TMEM52B: variants seen among roughly 807,000 people sequenced by gnomAD.
TMEM52B encodes transmembrane protein 52B, also known as chromosome 12 open reading frame 59.
TMEM52B carries 11 observed loss-of-function variants against 16.1 expected under a neutral mutation model. The ratio of observed to expected loss-of-function variants is 0.68; its 90% CI spans 0.43 to 1.13. TMEM52B has a LOEUF of 1.13. Ranked by LOEUF, TMEM52B falls within the 50% of genes most tolerant of loss-of-function variation. The pLI, the probability that TMEM52B is intolerant of heterozygous loss-of-function variation, is 0.00. For synonymous variants in TMEM52B, 101 were observed against 93.8 expected, an observed-to-expected ratio of 1.08 and a Z score of -0.45; for missense variants, 243 against 230.4, an observed-to-expected ratio of 1.05 and a Z score of -0.35.
chr12:10,172,173 T>C, intron 1 of TMEM52B: 1 of 779,906 alleles, frequency 1.3e-6, no homozygotes, highest in East Asian at 2.6e-5. Context: ...AAATAGCTAC[T>C]GTTATCTAAT....
chr12:10,172,491 A>C, intron 1 of TMEM52B: 1 of 163,236 alleles, frequency 6.1e-6, no homozygotes, highest in Middle Eastern at 3.1e-3. Context: ...TTTGTTTGCT[A>C]ATTTCATTAG....
intron 2 of TMEM52B, among the ~76,000 whole-genome samples, chr12:10,183,362 T>C (rs188901111): frequency 2.0e-4 from 31 of 152,138 alleles, no homozygotes; most frequent in Admixed American, 1.2e-3. Flanking sequence ...TCTTCCACCA[T>C]AGGAAGAGTC....
At chr12:10,171,545 T>C (rs561481474) in intron 1 of TMEM52B, among the ~76,000 whole-genome samples, 1 of 152,326 alleles carries the variant, frequency 6.6e-6, no homozygotes, top group South Asian at 2.1e-4. Context: ...ACAGAAATTA[T>C]CGTTATATAC....
chr12:10,187,516 T>A (rs71450025), intron 4 of TMEM52B, among the ~76,000 whole-genome samples: 27 of 152,280 alleles, frequency 1.8e-4, no homozygotes, highest in Non-Finnish European at 3.7e-4. Flanking sequence ...GAGATTCTCA[T>A]GCCTCAGCCT....
chr12:10,186,555 C>T lies in TMEM52B; in HGVS notation c.273C>T (p.Phe91=), dbSNP rs568855609. 25 of 1,607,658 alleles carry T rather than the reference C, an allele frequency of 1.6e-5. No homozygotes were observed. The East Asian group carries it at 2.2e-4, about 14-fold the overall frequency. Residue 91 remains phenylalanine, a synonymous_variant, in exon 4 of 5, where the codon TTC becomes TTT. Transcript: ENST00000543484. The stretch of plus-strand genomic sequence containing the variant: ...CCTGTGAAGTGACCGTCATTGCTTT[C>T]GATCACGACAGCACTCTCCAGAGCA... ...PPPCEVTVIA[F]DHDSTLQSTI... is the part of the protein sequence containing the mutation.
upstream of TMEM52B, among the ~76,000 whole-genome samples, chr12:10,178,643 A>AAG (rs141826102): frequency 0.63 from 94,320 of 149,836 alleles, 30,226 homozygotes; most frequent in Middle Eastern, 0.72. Flanking sequence ...TCCTTAACCA[A>AAG]AGAGAGAGAG....
At chr12:10,176,957 A>G (rs975799179), upstream of TMEM52B, among the ~76,000 whole-genome samples, 7 of 152,194 alleles carry the variant, frequency 4.6e-5, no homozygotes, top group African/African-American at 1.7e-4. Context: ...GGAAAGTTTC[A>G]TGATGGGTTC....
In TMEM52B at chr12:10,188,537, G is replaced by A. The variant is rs200873706; in HGVS notation, c.308-1359G>A. Among the ~76,000 whole-genome samples the A allele has an allele frequency of 8.0e-3, 392 of 49,142 alleles. 4 individuals are homozygous for A. Among genetic ancestry groups the A allele is most frequent in the African/African-American group, 0.021 (282 of 13,550 alleles). 32.2% of individuals were successfully genotyped at this position (49,142 alleles called of 152,430 possible). ...GGAAGGAAGGAAGGAAGGAAGGAAG[G>A]AAAAGAAGAAAAAGAAAAAGAAAAA... On this transcript the variant is annotated intron_variant, in intron 4 of 4. Transcript: ENST00000543484.
upstream of TMEM52B, among the ~76,000 whole-genome samples, chr12:10,174,597 G>A (rs535697944): frequency 3.3e-5 from 5 of 152,244 alleles, no homozygotes; most frequent in Non-Finnish European, 7.4e-5. Context: ...CCACTCGCTG[G>A]CCGAGTCTGG....
Position 10,190,266 on chromosome 12 carries a change from A to G in TMEM52B, c.*126A>G, listed in dbSNP as rs1948943342. On this transcript the variant is annotated 3_prime_UTR_variant, in exon 5 of 5. Transcript: ENST00000543484. ...CTAACACCATCATTCTATGGGAAAG[A>G]TGGTTCTTACTCTTCGTTCACAGGC... The G allele has an allele frequency of 7.9e-7, 1 of 1,269,552 alleles. No homozygotes were observed. The highest frequency in any genetic ancestry group is 1.1e-6 in the Non-Finnish European group (1 of 912,926). 78.6% of individuals were successfully genotyped at this position (1,269,552 alleles called of 1,614,324 possible). A position where few individuals can be genotyped will look rare whatever the true frequency, so the allele number is the denominator to read the frequency against.
chr12:10,180,275 G>GTTTTTT (rs3053815), intron 1 of TMEM52B, among the ~76,000 whole-genome samples: 1 of 143,012 alleles, frequency 7.0e-6, no homozygotes. Context: ...TGTATGGTTT[G>GTTTTTT]TTTTTTTTTT....
chr12:10,174,458 A>G (rs1368290665), upstream of TMEM52B, among the ~76,000 whole-genome samples: 1 of 152,164 alleles, frequency 6.6e-6, no homozygotes, highest in Non-Finnish European at 1.5e-5. Flanking sequence ...ATTTCGCTGC[A>G]TAATGTAGGT....
At chr12:10,178,332 T>C (rs190080574), upstream of TMEM52B, among the ~76,000 whole-genome samples, 24 of 151,950 alleles carry the variant, frequency 1.6e-4, no homozygotes, top group African/African-American at 1.4e-4. Flanking sequence ...CTGGTTAACA[T>C]GGTGAAACCC....
upstream of TMEM52B, among the ~76,000 whole-genome samples, chr12:10,178,416 G>A (rs992485373): frequency 1.3e-5 from 2 of 151,412 alleles, no homozygotes; most frequent in Admixed American, 6.6e-5. Flanking sequence ...CCAGCTACTC[G>A]GGAGGCTGAG....
chr12:10,177,805 ATAATAATAAT>A (rs60468939), upstream of TMEM52B, among the ~76,000 whole-genome samples: 6,018 of 87,866 alleles, frequency 0.068, 421 homozygotes, highest in African/African-American at 0.2. Context: ...AATAATAATA[ATAATAATAAT>A]TTTTTTATTA....
chr12:10,185,454 A>C (rs2137554262), intron 3 of TMEM52B, 86 bp downstream of exon 3: 1,251 of 971,424 alleles, frequency 1.3e-3, no homozygotes, highest in Non-Finnish European at 1.9e-3. Context: ...TTAGCATCTC[A>C]TGGAGTAAGA....
At chr12:10,187,312 G>C (rs1230416970) in intron 4 of TMEM52B, among the ~76,000 whole-genome samples, 1 of 151,904 alleles carries the variant, frequency 6.6e-6, no homozygotes, top group East Asian at 1.9e-4. Flanking sequence ...ATCTTGGCCA[G>C]GCTGGTCTCA....
chr12:10,178,273 T>A (rs1197564176), upstream of TMEM52B, among the ~76,000 whole-genome samples: 5 of 151,664 alleles, frequency 3.3e-5, no homozygotes, highest in African/African-American at 4.8e-5. Context: ...TCCCAGCACT[T>A]TGGGAGGCCG....
chr12:10,180,748 G>A (rs10505752), intron 1 of TMEM52B, among the ~76,000 whole-genome samples: 39,232 of 152,000 alleles, frequency 0.26, 7,061 homozygotes, highest in African/African-American at 0.51. Context: ...AGATCACTCA[G>A]GTTATTAGAA....
Sources: allele counts gnomAD v4.1 joint callset (sites outside exome capture counted in the v4.1 genomes callset), GRCh38; gene constraint gnomAD v4.1.1; transcripts MANE v1.5; gene names NCBI Gene and HGNC (gene_info 2026-07-23, HGNC 2026-07-21).